Variants in SYN3 observed in about 807,000 individuals in gnomAD.
SYN3 encodes synapsin-3.
In SYN3, 35 loss-of-function variants were observed where a neutral mutation model predicts 65.8. The observed-to-expected ratio is 0.53, with a 90% CI of 0.41 to 0.70. SYN3 has a LOEUF of 0.70. Among genes scored for constraint, SYN3 ranks in the 30% least tolerant of loss-of-function variants. SYN3 has a pLI of 0.00. For synonymous variants in SYN3, 270 were observed against 292.9 expected (o/e 0.92, Z 0.80); for missense variants, 680 against 749.0 (o/e 0.91, Z 1.08).
At chr22:32,702,435 A>G (rs1272958640) in intron 6 of SYN3, among the ~76,000 whole-genome samples, 2 of 152,306 alleles carry the variant, frequency 1.3e-5, no homozygotes, top group East Asian at 3.9e-4. Context: ...CCGAGATCGC[A>G]CTCCAGCCTG....
chr22:32,868,593 A>G (rs2048753903), intron 5 of SYN3, among the ~76,000 whole-genome samples: 1 of 151,698 alleles, frequency 6.6e-6, no homozygotes, highest in Non-Finnish European at 1.5e-5. Context: ...GCGGGATTAC[A>G]GACATGCGCC....
chr22:32,569,527 AAATC>A (rs1422498256), intron 7 of SYN3, among the ~76,000 whole-genome samples: 22 of 130,854 alleles, frequency 1.7e-4, no homozygotes, highest in South Asian at 1.3e-3. Flanking sequence ...TATCTATCTA[AAATC>A]AATCAATCTC....
At chr22:32,574,749 C>T (rs899334467) in intron 7 of SYN3, among the ~76,000 whole-genome samples, 3 of 152,220 alleles carry the variant, frequency 2.0e-5, no homozygotes, top group African/African-American at 4.8e-5. Context: ...AGCGCCTTCT[C>T]ATGATCTGAA....
intron 6 of SYN3, chr22:32,802,150 C>T: frequency 6.4e-7 from 1 of 1,568,928 alleles, no homozygotes; most frequent in Non-Finnish European, 8.6e-7. Flanking sequence ...CCCGCCCGAG[C>T]CCCACGCTGC....
chr22:32,625,427 A>C (rs987254321), intron 6 of SYN3, among the ~76,000 whole-genome samples: 8 of 152,146 alleles, frequency 5.3e-5, no homozygotes, highest in Non-Finnish European at 1.0e-4. Flanking sequence ...CCTTTCTCCC[A>C]GCTGGCTTTG....
At chr22:32,549,689 A>G (rs2058383658) in intron 7 of SYN3, among the ~76,000 whole-genome samples, 2 of 152,234 alleles carry the variant, frequency 1.3e-5, no homozygotes. Flanking sequence ...ACTTGAGGGC[A>G]GGAGTTTGAG....
At chr22:32,601,076 T>C (rs1480509399) in intron 6 of SYN3, among the ~76,000 whole-genome samples, 1 of 152,156 alleles carries the variant, frequency 6.6e-6, no homozygotes, top group East Asian at 1.9e-4. Flanking sequence ...TTCTCCAGGG[T>C]TCTTAAATGA....
At chr22:32,971,382 A>G (rs2052014342) in intron 3 of SYN3, among the ~76,000 whole-genome samples, 1 of 152,204 alleles carries the variant, frequency 6.6e-6, no homozygotes, top group South Asian at 2.1e-4. Flanking sequence ...ACAAAACAGA[A>G]CATCTGAGGT....
At chr22:32,990,312 C>G (rs62234231) in intron 2 of SYN3, among the ~76,000 whole-genome samples, 26 of 70,086 alleles carry the variant, frequency 3.7e-4, no homozygotes, top group South Asian at 2.5e-3. Flanking sequence ...ATCCATCCAT[C>G]CATCCATCCA....
intron 4 of SYN3, among the ~76,000 whole-genome samples, chr22:32,922,500 A>C (rs550728498): frequency 1.3e-5 from 2 of 152,210 alleles, no homozygotes; most frequent in South Asian, 4.1e-4. Flanking sequence ...TTGTATGTGC[A>C]ATTCAAGCTG....
intron 6 of SYN3, among the ~76,000 whole-genome samples, chr22:32,724,759 A>G (rs1000805945): frequency 6.6e-6 from 1 of 152,178 alleles, no homozygotes; most frequent in Non-Finnish European, 1.5e-5. Flanking sequence ...GAAGGATGCC[A>G]TTAGGACTCT....
intron 6 of SYN3, among the ~76,000 whole-genome samples, chr22:32,642,017 C>T (rs935675441): frequency 6.6e-6 from 1 of 152,020 alleles, no homozygotes; most frequent in Non-Finnish European, 1.5e-5. Flanking sequence ...GGCCCGGGTG[C>T]GGTGGGTCAC....
chr22:32,511,335 A>G lies in SYN3; in HGVS notation c.*2357T>C, dbSNP rs2146033486. Among the ~76,000 whole-genome samples, 1 of 151,992 alleles carries G rather than the reference A, an allele frequency of 6.6e-6. No homozygotes were observed. Among genetic ancestry groups the G allele is most frequent in the South Asian group, 2.1e-4 (1 of 4,804 alleles). ...GTGGGATATTGACCCCAGGACCCCC[A>G]CCTCCACCCACCTTGGGGGTCTAGA... On this transcript the variant is annotated 3_prime_UTR_variant, in exon 14 of 14. Coordinates refer to ENST00000358763, the MANE Select transcript of SYN3 (RefSeq NM_003490.4).
At chr22:32,632,309 C>G (rs866468492) in intron 6 of SYN3, among the ~76,000 whole-genome samples, 2 of 152,188 alleles carry the variant, frequency 1.3e-5, no homozygotes, top group Admixed American at 6.5e-5. Context: ...GTCCACTGGG[C>G]AGTGTGCTAT....
At chr22:32,601,652 G>A (rs1042482809) in intron 6 of SYN3, among the ~76,000 whole-genome samples, 5 of 152,168 alleles carry the variant, frequency 3.3e-5, no homozygotes, top group African/African-American at 7.2e-5. Flanking sequence ...GCAAGACTCC[G>A]GGCTAGTGCT....
intron 6 of SYN3, among the ~76,000 whole-genome samples, chr22:32,735,704 C>T (rs754684090): frequency 3.9e-5 from 6 of 152,204 alleles, no homozygotes; most frequent in Non-Finnish European, 8.8e-5. Context: ...TCCTGAAACA[C>T]GGTCAGCAGC....
chr22:32,765,561 C>A (rs111784961), intron 6 of SYN3, among the ~76,000 whole-genome samples: 1 of 151,956 alleles, frequency 6.6e-6, no homozygotes, highest in African/African-American at 2.4e-5. Flanking sequence ...AAATGACAGG[C>A]GAGAGGGTGA....
At chr22:32,626,481 A>C (rs888745022) in intron 6 of SYN3, among the ~76,000 whole-genome samples, 1 of 152,120 alleles carries the variant, frequency 6.6e-6, no homozygotes, top group Admixed American at 6.5e-5. Flanking sequence ...AGACAAAGAG[A>C]GAAGAGTTCA....
chr22:32,808,048 T>G (rs2046814963), intron 6 of SYN3, among the ~76,000 whole-genome samples: 1 of 152,200 alleles, frequency 6.6e-6, no homozygotes, highest in Admixed American at 6.5e-5. Flanking sequence ...TGGGAGTATT[T>G]TCATAGGGAG....
Sources: gnomAD v4.1 joint callset for allele counts (sites outside exome capture counted in the v4.1 genomes callset) on GRCh38, gnomAD v4.1.1 for gene constraint, MANE v1.5 for transcripts, NCBI Gene and HGNC (gene_info 2026-07-23, HGNC 2026-07-21) for gene names.